ANXA4: variants seen among roughly 807,000 people sequenced by gnomAD.
ANXA4 encodes the protein 35-beta calcimedin.
In ANXA4, 39 loss-of-function variants were observed where a neutral mutation model predicts 49.8. The ratio of observed to expected loss-of-function variants is 0.78; its 90% CI spans 0.61 to 1.02. ANXA4 has a LOEUF of 1.02. ANXA4 is among the 50% of genes least tolerant of loss of function. The pLI is 0.00. For synonymous variants in ANXA4, 134 were observed against 152.5 expected (o/e 0.88, Z 0.89); for missense variants, 360 against 410.1 (o/e 0.88, Z 1.05).
chr2:69,758,693 G>A (rs974521555), intron 1 of ANXA4, among the ~76,000 whole-genome samples: 1 of 152,172 alleles, frequency 6.6e-6, no homozygotes, highest in Non-Finnish European at 1.5e-5. Flanking sequence ...ATTAAATTAA[G>A]AATAAATAAA....
At chr2:69,723,039 A>ATG (rs1394670349) in intron 3 of ANXA4, among the ~76,000 whole-genome samples, 3 of 150,150 alleles carry the variant, frequency 2.0e-5, no homozygotes, top group African/African-American at 7.3e-5. Context: ...ATATATATAT[A>ATG]TATTAGCCGG....
intron 2 of ANXA4, among the ~76,000 whole-genome samples, chr2:69,657,461 A>T (rs1676548414): frequency 6.7e-6 from 1 of 149,446 alleles, no homozygotes; most frequent in Non-Finnish European, 1.5e-5. Flanking sequence ...CGCAATGGAG[A>T]CTAAATACCA....
At chr2:69,773,772 C>T (rs1464149530) in intron 1 of ANXA4, among the ~76,000 whole-genome samples, 5 of 151,860 alleles carry the variant, frequency 3.3e-5, no homozygotes, top group Non-Finnish European at 7.4e-5. Context: ...TCTGGGATTA[C>T]AGGCGTGCAC....
At position 69,758,970 on chromosome 2, in the gene ANXA4, T is replaced by C. The variant is rs552897206; in HGVS notation, c.-47+16795T>C. ...CAACATGGTGAAACCCCATTTCTAC[T>C]AAAAGTGTTCTAAAAATTAGTTGGG... On this transcript the variant is annotated intron_variant, in intron 1 of 12. Transcript: ENST00000394295. 5.3e-5 allele frequency among the ~76,000 whole-genome samples: 8 copies of C among 152,022 alleles called. No homozygotes were observed. In the South Asian group the frequency reaches 1.7e-3, roughly 32 times the overall value.
intron 2 of ANXA4, among the ~76,000 whole-genome samples, chr2:69,784,409 G>A (rs1221685966): frequency 6.6e-6 from 1 of 152,156 alleles, no homozygotes; most frequent in African/African-American, 2.4e-5. Flanking sequence ...GTGTTTGAGT[G>A]CCATCCAAAA....
At chr2:69,734,576 G>A (rs1025039233) in intron 3 of ANXA4, among the ~76,000 whole-genome samples, 1 of 152,114 alleles carries the variant, frequency 6.6e-6, no homozygotes, top group Non-Finnish European at 1.5e-5. Flanking sequence ...CTGATGCCCA[G>A]ATGTCTGTGG....
chr2:69,813,758 C>CTTT (rs35151857), intron 8 of ANXA4, among the ~76,000 whole-genome samples: 10 of 82,026 alleles, frequency 1.2e-4, no homozygotes, highest in African/African-American at 2.5e-4. Context: ...CTCTCTCTCT[C>CTTT]TTTTTTTTTT....
chr2:69,666,059 C>T (rs770388694), intron 2 of ANXA4, among the ~76,000 whole-genome samples: 48 of 152,022 alleles, frequency 3.2e-4, no homozygotes, highest in Admixed American at 2.0e-4. Context: ...AAAAAAATAG[C>T]GGGGCGTGGT....
chr2:69,662,153 A>G (rs1182170842), intron 2 of ANXA4, among the ~76,000 whole-genome samples: 1 of 152,184 alleles, frequency 6.6e-6, no homozygotes, highest in African/African-American at 2.4e-5. Flanking sequence ...GAGAACTCAC[A>G]TATTGGGTAC....
intron 4 of ANXA4, 76 bp downstream of exon 4, chr2:69,804,703 TC>T: frequency 5.6e-6 from 7 of 1,240,480 alleles, no homozygotes; most frequent in Non-Finnish European, 5.8e-6. Context: ...TGATCTAGGT[TC>T]CCGAAGTGAC....
intron 2 of ANXA4, among the ~76,000 whole-genome samples, chr2:69,685,720 C>A (rs551033403): frequency 6.6e-6 from 1 of 152,156 alleles, no homozygotes; most frequent in Non-Finnish European, 1.5e-5. Flanking sequence ...CTTGCTTTAA[C>A]GGTAACTAAG....
chr2:69,795,945 T>C (rs1176318808), intron 3 of ANXA4, among the ~76,000 whole-genome samples: 2 of 152,176 alleles, frequency 1.3e-5, no homozygotes, highest in Non-Finnish European at 2.9e-5. Flanking sequence ...GAGGCCTTGA[T>C]TGGACAGGAG....
At chr2:69,750,437 G>C (rs759248444) in intron 1 of ANXA4, among the ~76,000 whole-genome samples, 9 of 152,210 alleles carry the variant, frequency 5.9e-5, no homozygotes, top group South Asian at 2.1e-4. Context: ...TTCTAAGACA[G>C]GGTCTCACTC....
chr2:69,812,885 G>A (rs887396116), intron 8 of ANXA4, among the ~76,000 whole-genome samples, 176 bp downstream of exon 8: 1 of 152,112 alleles, frequency 6.6e-6, no homozygotes, highest in African/African-American at 2.4e-5. Context: ...AGGTACCTGG[G>A]GCTGGACATC....
chr2:69,801,050 G>A (rs1460983404), intron 3 of ANXA4, among the ~76,000 whole-genome samples: 2 of 152,202 alleles, frequency 1.3e-5, no homozygotes, highest in Non-Finnish European at 2.9e-5. Flanking sequence ...AGAAACAGGT[G>A]TGCTATCTGC....
chr2:69,768,417 G>A (rs1279186312), intron 1 of ANXA4, among the ~76,000 whole-genome samples: 1 of 152,152 alleles, frequency 6.6e-6, no homozygotes, highest in African/African-American at 2.4e-5. Context: ...AGCTGGGAGA[G>A]GACCATTGAG....
chr2:69,809,113 G>C (rs937409072), intron 6 of ANXA4: 2 of 152,154 alleles, frequency 1.3e-5, no homozygotes, highest in Non-Finnish European at 2.9e-5. Context: ...TTGTGCATGT[G>C]GGGGAAAATG....
intron 6 of ANXA4, 171 bp from the exon 7 acceptor site, chr2:69,810,423 A>G (rs1673647309): frequency 3.3e-6 from 2 of 606,318 alleles, no homozygotes; most frequent in East Asian, 2.8e-5. Flanking sequence ...GCTGATCTTG[A>G]CCATTTTACC....
intron 1 of ANXA4, among the ~76,000 whole-genome samples, chr2:69,748,647 G>A (rs2105485815): frequency 6.6e-6 from 1 of 150,580 alleles, no homozygotes; most frequent in East Asian, 1.9e-4. Context: ...ATACATGAAG[G>A]AAAATCACAG....
Sources: gnomAD v4.1 joint callset for allele counts (sites outside exome capture counted in the v4.1 genomes callset) on GRCh38, gnomAD v4.1.1 for gene constraint, MANE v1.5 for transcripts, NCBI Gene and HGNC (gene_info 2026-07-23, HGNC 2026-07-21) for gene names.